Variants in CNTN4 observed in about 807,000 individuals in gnomAD.
CNTN4 encodes contactin 4, also known as contactin-4.
In CNTN4, 77 loss-of-function variants were observed where a neutral mutation model predicts 122.5. The ratio of observed to expected loss-of-function variants is 0.63; its 90% CI spans 0.52 to 0.76. The LOEUF is 0.76. CNTN4 is among the 30% of genes least tolerant of loss of function. CNTN4 has a pLI of 0.00. For missense variants in CNTN4, 1,256 were observed against 1,259.1 expected, an observed-to-expected ratio of 1.00 and a Z score of 0.04; for synonymous variants, 512 against 447.0, an observed-to-expected ratio of 1.15 and a Z score of -1.83.
chr3:2,348,315 C>T (rs1354511591), intron 3 of CNTN4, among the ~76,000 whole-genome samples: 3 of 152,154 alleles, frequency 2.0e-5, no homozygotes, highest in African/African-American at 7.2e-5. Context: ...TTCCTCACTT[C>T]TTGTTCAGGC....
At chr3:2,705,039 A>G (rs949731427) in intron 4 of CNTN4, among the ~76,000 whole-genome samples, 6 of 151,702 alleles carry the variant, frequency 4.0e-5, no homozygotes, top group Non-Finnish European at 5.9e-5. Flanking sequence ...ATGTGTGTAT[A>G]TATATATATT....
At chr3:2,379,091 AT>A (rs1319869789) in intron 3 of CNTN4, among the ~76,000 whole-genome samples, 3 of 152,176 alleles carry the variant, frequency 2.0e-5, no homozygotes, top group Non-Finnish European at 4.4e-5. Context: ...TACCTATACA[AT>A]AGGCATATGA....
intron 2 of CNTN4, among the ~76,000 whole-genome samples, chr3:2,291,961 C>T (rs533040055): frequency 6.6e-6 from 1 of 152,232 alleles, no homozygotes; most frequent in Non-Finnish European, 1.5e-5. Flanking sequence ...GTCTCGAACT[C>T]CTGACCTCAG....
At chr3:2,305,816 A>G (rs547828383) in intron 2 of CNTN4, among the ~76,000 whole-genome samples, 2 of 152,236 alleles carry the variant, frequency 1.3e-5, no homozygotes, top group South Asian at 4.1e-4. Flanking sequence ...ACTCCTAACA[A>G]CCACCAATGT....
intron 2 of CNTN4, among the ~76,000 whole-genome samples, chr3:2,211,979 T>G (rs577486371): frequency 1.6e-3 from 243 of 152,282 alleles, no homozygotes; most frequent in Non-Finnish European, 1.4e-3. Context: ...TTTCTCTTTC[T>G]TTTTTTCCTT....
At chr3:2,934,818 A>C (rs530978463) in intron 13 of CNTN4, among the ~76,000 whole-genome samples, 2 of 152,272 alleles carry the variant, frequency 1.3e-5, no homozygotes, top group South Asian at 4.1e-4. Context: ...TCAAAGCAAC[A>C]GGAGCGTCAT....
intron 3 of CNTN4, among the ~76,000 whole-genome samples, chr3:2,381,482 G>A (rs1035692095): frequency 1.3e-5 from 2 of 152,088 alleles, no homozygotes; most frequent in Non-Finnish European, 2.9e-5. Flanking sequence ...GGAGGTGTTG[G>A]GAACATAACT....
intron 2 of CNTN4, among the ~76,000 whole-genome samples, chr3:2,107,670 A>G (rs2032565649): frequency 6.6e-6 from 1 of 152,160 alleles, no homozygotes; most frequent in Admixed American, 6.5e-5. Flanking sequence ...TTCATAAATT[A>G]CCCTTTGACG....
chr3:2,298,452 T>A (rs1344715567), intron 2 of CNTN4, among the ~76,000 whole-genome samples: 1 of 152,150 alleles, frequency 6.6e-6, no homozygotes, highest in Non-Finnish European at 1.5e-5. Flanking sequence ...AGTTTCCCAA[T>A]TGCATTCTGT....
At chr3:3,027,174 G>C (rs1401115345) in intron 15 of CNTN4, among the ~76,000 whole-genome samples, 1 of 152,162 alleles carries the variant, frequency 6.6e-6, no homozygotes, top group African/African-American at 2.4e-5. Flanking sequence ...TACTAGCCCT[G>C]TTCATCACAG....
chr3:2,538,729 G>T (rs2077911161), intron 3 of CNTN4, among the ~76,000 whole-genome samples: 1 of 151,800 alleles, frequency 6.6e-6, no homozygotes, highest in Non-Finnish European at 1.5e-5. Context: ...AAACAGGAAT[G>T]AATAACAAAG....
intron 6 of CNTN4, among the ~76,000 whole-genome samples, chr3:2,779,792 G>C (rs1450725375): frequency 6.6e-6 from 1 of 152,180 alleles, no homozygotes; most frequent in African/African-American, 2.4e-5. Flanking sequence ...TGATTTGTAT[G>C]ATTGTTAAGT....
intron 3 of CNTN4, among the ~76,000 whole-genome samples, chr3:2,347,701 T>C (rs2044455368): frequency 6.6e-6 from 1 of 151,586 alleles, no homozygotes; most frequent in Non-Finnish European, 1.5e-5. Context: ...TGAGCCACCA[T>C]GCCTGGCCAG....
At chr3:2,685,535 C>T (rs1205100151) in intron 4 of CNTN4, among the ~76,000 whole-genome samples, 2 of 152,080 alleles carry the variant, frequency 1.3e-5, no homozygotes, top group Non-Finnish European at 2.9e-5. Context: ...AGGGTCCTTC[C>T]AAACAAATGT....
At chr3:2,753,480 T>G (rs937975747) in intron 6 of CNTN4, among the ~76,000 whole-genome samples, 10 of 152,252 alleles carry the variant, frequency 6.6e-5, no homozygotes, top group African/African-American at 2.2e-4. Flanking sequence ...GATATTACTT[T>G]TATTTTATAG....
At chr3:2,933,842 T>C (rs1577325424) in intron 13 of CNTN4, among the ~76,000 whole-genome samples, 1 of 152,094 alleles carries the variant, frequency 6.6e-6, no homozygotes, top group African/African-American at 2.4e-5. Context: ...ATGGAGTGCA[T>C]TGGAGTGCAT....
chr3:2,894,231 G>A (rs1019888417), intron 10 of CNTN4, among the ~76,000 whole-genome samples: 2 of 152,148 alleles, frequency 1.3e-5, no homozygotes, highest in African/African-American at 4.8e-5. Context: ...AGAAAATATG[G>A]TCTGACACAT....
chr3:2,272,034 A>G lies in CNTN4; in HGVS notation c.-144-67144A>G, dbSNP rs143748541. ...GCAGGTTGTAAAACAGTATTTCAGT[A>G]TGATTCTAAATTGCAATCATTAAAT... is the stretch of plus-strand genomic sequence containing the variant. On this transcript the variant is annotated intron_variant, in intron 2 of 24. Transcript: ENST00000418658. Among the ~76,000 whole-genome samples the G allele has an allele frequency of 3.4e-3, 520 of 152,284 alleles. 4 individuals carry two copies. Among genetic ancestry groups the G allele is most frequent in the African/African-American group, 0.012 (493 of 41,576 alleles).
intron 2 of CNTN4, among the ~76,000 whole-genome samples, chr3:2,235,691 T>C (rs1372797471): frequency 6.6e-6 from 1 of 152,154 alleles, no homozygotes; most frequent in Non-Finnish European, 1.5e-5. Flanking sequence ...TCCCACTAGA[T>C]TGTAAATTTT....
Sources: gnomAD v4.1 joint callset for allele counts (sites outside exome capture counted in the v4.1 genomes callset) on GRCh38, gnomAD v4.1.1 for gene constraint, MANE v1.5 for transcripts, NCBI Gene and HGNC (gene_info 2026-07-23, HGNC 2026-07-21) for gene names.